Variants in HS3ST4 observed in about 807,000 individuals in gnomAD.
HS3ST4 encodes the protein heparan sulfate glucosamine 3-O-sulfotransferase 4.
In HS3ST4, 17 loss-of-function variants were observed where a neutral mutation model predicts 29.2. The observed-to-expected ratio is 0.58, with a 90% CI of 0.40 to 0.87. HS3ST4 has a LOEUF of 0.87. HS3ST4 is among the 40% of genes least tolerant of loss of function. The probability of loss-of-function intolerance (pLI) is 0.00; values close to 1 mark genes in which losing one functional copy is unlikely to be tolerated. For missense variants in HS3ST4, 627 were observed against 634.5 expected, an observed-to-expected ratio of 0.99 and a Z score of 0.13; for synonymous variants, 314 against 285.7, an observed-to-expected ratio of 1.10 and a Z score of -1.00.
intron 1 of HS3ST4, among the ~76,000 whole-genome samples, chr16:25,763,968 A>G (rs145261983): frequency 6.6e-6 from 1 of 152,336 alleles, no homozygotes; most frequent in Non-Finnish European, 1.5e-5. Flanking sequence ...GCACTGAATT[A>G]GGGAGACAGA....
chr16:25,827,545 AAAC>A (rs34161469), intron 1 of HS3ST4, among the ~76,000 whole-genome samples: 2 of 151,146 alleles, frequency 1.3e-5, no homozygotes, highest in Admixed American at 6.6e-5. Context: ...AAAAAAAAAA[AAAC>A]AACAACAAGC....
At chr16:26,042,230 A>G (rs1253081523) in intron 1 of HS3ST4, among the ~76,000 whole-genome samples, 1 of 152,248 alleles carries the variant, frequency 6.6e-6, no homozygotes, top group Non-Finnish European at 1.5e-5. Flanking sequence ...GAAGAAAGAA[A>G]GCTATCCCTT....
chr16:26,069,701 C>G (rs561237118), intron 1 of HS3ST4, among the ~76,000 whole-genome samples: 22 of 101,276 alleles, frequency 2.2e-4, no homozygotes, highest in Non-Finnish European at 3.9e-4. Flanking sequence ...TGCTATCCCT[C>G]CCCCCTCCCC....
intron 1 of HS3ST4, among the ~76,000 whole-genome samples, chr16:26,072,981 A>G (rs1898618778): frequency 6.6e-6 from 1 of 152,236 alleles, no homozygotes; most frequent in Non-Finnish European, 1.5e-5. Context: ...TTAAAAAGAG[A>G]AAAGAGCCTG....
chr16:25,774,933 A>G (rs3935634), intron 1 of HS3ST4, among the ~76,000 whole-genome samples: 101,410 of 152,082 alleles, frequency 0.67, 34,118 homozygotes, highest in Middle Eastern at 0.73. Flanking sequence ...GCCCCAGCTC[A>G]TAGCATGGCA....
intron 1 of HS3ST4, among the ~76,000 whole-genome samples, chr16:25,725,779 C>T (rs1041399653): frequency 1.3e-5 from 2 of 150,444 alleles, no homozygotes; most frequent in African/African-American, 4.9e-5. Context: ...TACATATATA[C>T]ATATAATTAA....
chr16:25,714,143 CA>C (rs201673247), intron 1 of HS3ST4, among the ~76,000 whole-genome samples: 1 of 151,454 alleles, frequency 6.6e-6, no homozygotes, highest in East Asian at 1.9e-4. Flanking sequence ...CTCCCCGTTC[CA>C]AAAAAAAGCA....
At chr16:25,751,291 A>ATG (rs1491208321) in intron 1 of HS3ST4, among the ~76,000 whole-genome samples, 1 of 151,992 alleles carries the variant, frequency 6.6e-6, no homozygotes, top group Non-Finnish European at 1.5e-5. Context: ...ATGTGTGCTC[A>ATG]TGTGTGTGTG....
In HS3ST4 at chr16:26,136,291, C is replaced by T; in HGVS notation, c.*43C>T. 1 of 1,546,944 alleles carries T rather than the reference C, an allele frequency of 6.5e-7. No homozygotes were observed. Among genetic ancestry groups the T allele is most frequent in the Non-Finnish European group, 8.7e-7 (1 of 1,149,866 alleles). Reference sequence around the variant, plus strand: ...AAGGCTAGTCAATAAGCTAAGGAGGCTCCTTGCCTGAGTCCTTGAATACCC... The same window carrying T: ...AAGGCTAGTCAATAAGCTAAGGAGGTTCCTTGCCTGAGTCCTTGAATACCC... On this transcript the variant is annotated 3_prime_UTR_variant, in exon 2 of 2. Transcript: ENST00000331351.
chr16:26,080,248 C>T lies in HS3ST4; in HGVS notation c.735-55364C>T, dbSNP rs1898710109. 3.9e-5 allele frequency among the ~76,000 whole-genome samples: 6 copies of T among 152,178 alleles called. No individual in the cohort carries two copies. The South Asian group carries it at 1.2e-3, about 32-fold the overall frequency. ...ACACTTTTAGGAGACATACTTTTGC[C>T]TCCTTTGCTGCTAGAAAATGGCAGC... On this transcript the variant is annotated intron_variant, in intron 1 of 1. Coordinates refer to ENST00000331351, the MANE Select transcript of HS3ST4 (RefSeq NM_006040.3).
intron 1 of HS3ST4, among the ~76,000 whole-genome samples, chr16:25,915,086 G>A (rs73515389): frequency 0.014 from 2,132 of 152,148 alleles, 46 homozygotes; most frequent in African/African-American, 0.049. Flanking sequence ...ATCGCCAGTC[G>A]TGACAACCAA....
intron 1 of HS3ST4, among the ~76,000 whole-genome samples, chr16:25,724,824 A>T (rs901762259): frequency 6.6e-6 from 1 of 152,150 alleles, no homozygotes; most frequent in Non-Finnish European, 1.5e-5. Context: ...GAGTTTGTTG[A>T]GTTCGTGGAC....
intron 1 of HS3ST4, among the ~76,000 whole-genome samples, chr16:26,107,295 A>G (rs114810635): frequency 4.6e-5 from 7 of 150,690 alleles, no homozygotes; most frequent in South Asian, 2.1e-4. Context: ...ATGTTTATAT[A>G]TGTGTGTGTG....
intron 1 of HS3ST4, among the ~76,000 whole-genome samples, chr16:25,772,689 T>G (rs1966844014): frequency 6.6e-6 from 1 of 152,222 alleles, no homozygotes; most frequent in Non-Finnish European, 1.5e-5. Context: ...GTCTATAGGA[T>G]TCTAGAAAGA....
At chr16:25,746,568 T>G (rs886653968) in intron 1 of HS3ST4, among the ~76,000 whole-genome samples, 4 of 151,950 alleles carry the variant, frequency 2.6e-5, no homozygotes, top group African/African-American at 9.7e-5. Flanking sequence ...TTTTTTTTTT[T>G]TTAGACGGAG....
intron 1 of HS3ST4, among the ~76,000 whole-genome samples, chr16:26,041,564 A>G (rs992313659): frequency 8.5e-5 from 13 of 152,148 alleles, no homozygotes; most frequent in Non-Finnish European, 1.5e-4. Flanking sequence ...CCATTGGTCT[A>G]CATCAGAAGT....
At chr16:25,952,914 C>T (rs1968695727) in intron 1 of HS3ST4, among the ~76,000 whole-genome samples, 1 of 152,108 alleles carries the variant, frequency 6.6e-6, no homozygotes, top group Non-Finnish European at 1.5e-5. Flanking sequence ...TGGAGCTTCC[C>T]AGTGTGGCTG....
intron 1 of HS3ST4, among the ~76,000 whole-genome samples, chr16:25,882,623 T>G (rs1967905506): frequency 6.6e-6 from 1 of 152,204 alleles, no homozygotes; most frequent in East Asian, 1.9e-4. Context: ...CTATCATCAC[T>G]GAGGCTTATT....
At chr16:25,810,433 G>A (rs1231831973) in intron 1 of HS3ST4, among the ~76,000 whole-genome samples, 2 of 152,128 alleles carry the variant, frequency 1.3e-5, no homozygotes, top group African/African-American at 2.4e-5. Context: ...ATATTCTGCT[G>A]TTGTTGGGTG....
Sources: allele counts gnomAD v4.1 joint callset (sites outside exome capture counted in the v4.1 genomes callset), GRCh38; gene constraint gnomAD v4.1.1; transcripts MANE v1.5; gene names NCBI Gene and HGNC (gene_info 2026-07-23, HGNC 2026-07-21).